CWF19L2: variants seen among roughly 807,000 people sequenced by gnomAD.
CWF19L2 encodes the protein CWF19-like protein 2.
In CWF19L2, 98 loss-of-function variants were observed where a neutral mutation model predicts 111.7. The ratio of observed to expected loss-of-function variants is 0.88; its 90% CI spans 0.75 to 1.04. The LOEUF (loss-of-function observed/expected upper bound fraction) is 1.04. CWF19L2 is among the 50% of genes least tolerant of loss of function. The pLI is 0.00. For missense variants in CWF19L2, 1,101 were observed against 1,051.4 expected (o/e 1.05, Z -0.65); for synonymous variants, 351 against 342.9 (o/e 1.02, Z -0.26).
In CWF19L2 at chr11:107,362,792, C is replaced by T. The variant is rs577446004; in HGVS notation, c.1873-9056G>A. Among the ~76,000 whole-genome samples the T allele has an allele frequency of 2.0e-5, 3 of 151,652 alleles. No homozygotes were observed. In the East Asian group the frequency reaches 5.8e-4, roughly 29 times the overall value. On this transcript the variant is annotated intron_variant, in intron 12 of 17. Coordinates refer to ENST00000282251, the MANE Select transcript of CWF19L2 (RefSeq NM_152434.3). ...TCTCCTCCTCCAAAGGAACGCAGTT[C>T]CTCACCAGCAACGGAACAAAGCTGG...
At chr11:107,374,931 C>T (rs1331373575) in intron 12 of CWF19L2, among the ~76,000 whole-genome samples, 3 of 147,246 alleles carry the variant, frequency 2.0e-5, no homozygotes, top group Non-Finnish European at 4.5e-5. Flanking sequence ...GGAAGATCTA[C>T]CAAGCAAATG....
intron 13 of CWF19L2, among the ~76,000 whole-genome samples, chr11:107,349,744 C>T (rs534748989): frequency 7.5e-4 from 114 of 152,082 alleles, no homozygotes; most frequent in African/African-American, 2.7e-3. Context: ...GCATGGCAGA[C>T]ATTATTTATT....
chr11:107,332,631 T>C (rs1300102197), intron 16 of CWF19L2, among the ~76,000 whole-genome samples: 1 of 151,894 alleles, frequency 6.6e-6, no homozygotes, highest in African/African-American at 2.4e-5. Flanking sequence ...TTAAAAGAAG[T>C]ATAATAAGGT....
At chr11:107,417,798 C>T (rs1479648062) in intron 9 of CWF19L2, among the ~76,000 whole-genome samples, 1 of 151,462 alleles carries the variant, frequency 6.6e-6, no homozygotes, top group Non-Finnish European at 1.5e-5. Flanking sequence ...GCTTCGTCAC[C>T]CAGGCTGGAG....
chr11:107,361,610 T>A (rs1015713518), intron 12 of CWF19L2, among the ~76,000 whole-genome samples: 2 of 152,242 alleles, frequency 1.3e-5, no homozygotes, highest in African/African-American at 4.8e-5. Flanking sequence ...TCCATGAGAA[T>A]GGGATGTTTT....
At chr11:107,352,085 A>C (rs2134544884) in intron 13 of CWF19L2, among the ~76,000 whole-genome samples, 1 of 152,294 alleles carries the variant, frequency 6.6e-6, no homozygotes, top group South Asian at 2.1e-4. Flanking sequence ...GGTAGTACCC[A>C]CTTAAGACAG....
At chr11:107,351,304 A>G (rs1591156527) in intron 13 of CWF19L2, among the ~76,000 whole-genome samples, 1 of 152,264 alleles carries the variant, frequency 6.6e-6, no homozygotes, top group East Asian at 1.9e-4. Context: ...TAAAGGACTC[A>G]ATATTACTCC....
chr11:107,345,392 GT>G, intron 14 of CWF19L2: 2 of 407,446 alleles, frequency 4.9e-6, no homozygotes, highest in South Asian at 3.8e-5. Flanking sequence ...AATAATAAAA[GT>G]TTAAATAATC....
intron 12 of CWF19L2, among the ~76,000 whole-genome samples, chr11:107,361,973 T>A (rs1860348950): frequency 6.6e-6 from 1 of 152,268 alleles, no homozygotes; most frequent in South Asian, 2.1e-4. Flanking sequence ...GCACGCACCG[T>A]GCGTGAGCCG....
chr11:107,393,700 C>T (rs1860881442), intron 10 of CWF19L2, among the ~76,000 whole-genome samples: 1 of 152,100 alleles, frequency 6.6e-6, no homozygotes, highest in Admixed American at 6.5e-5. Context: ...GAATACTACA[C>T]AATCACACAA....
At chr11:107,427,688 C>G (rs1861400009) in intron 8 of CWF19L2, among the ~76,000 whole-genome samples, 1 of 152,122 alleles carries the variant, frequency 6.6e-6, no homozygotes. Context: ...TAGTCTACCA[C>G]CCAGGGCACC....
chr11:107,380,860 A>G (rs934091956), intron 12 of CWF19L2, among the ~76,000 whole-genome samples: 1 of 152,244 alleles, frequency 6.6e-6, no homozygotes, highest in Non-Finnish European at 1.5e-5. Flanking sequence ...TGTGTTATAT[A>G]CATATAATAG....
chr11:107,449,741 T>G (rs1861752521), intron 3 of CWF19L2, among the ~76,000 whole-genome samples: 1 of 150,408 alleles, frequency 6.6e-6, no homozygotes, highest in South Asian at 2.1e-4. Context: ...TGAAATGGGA[T>G]GCTAAAAAAC....
At chr11:107,442,794 G>C in intron 4 of CWF19L2, 145 bp downstream of exon 4, 2 of 147,072 alleles carry the variant, frequency 1.4e-5, no homozygotes, top group South Asian at 5.9e-5. Context: ...AAGGAAGGAA[G>C]GGAGGGAGGG....
At chr11:107,346,646 C>T (rs1348828571) in intron 14 of CWF19L2, among the ~76,000 whole-genome samples, 4 of 152,076 alleles carry the variant, frequency 2.6e-5, no homozygotes, top group African/African-American at 9.7e-5. Flanking sequence ...ATGACAGATC[C>T]CCTCCTCATG....
chr11:107,369,228 TA>T lies in CWF19L2; in HGVS notation c.1873-15493del, dbSNP rs1292544418. ...AGTCTGTTGTCAGTTCTTACTGCCA[TA>T]AGCTCCTTGTGGTAGTCTGTTTCTT... On this transcript the variant is annotated intron_variant, in intron 12 of 17. Transcript: ENST00000282251. Among the ~76,000 whole-genome samples the T allele has an allele frequency of 1.1e-4, 15 of 138,184 alleles. 3 individuals carry two copies. Among genetic ancestry groups the T allele is most frequent in the Non-Finnish European group, 2.0e-4 (13 of 64,364 alleles). 90.7% of individuals were successfully genotyped at this position (138,184 alleles called of 152,430 possible). A position where few individuals can be genotyped will look rare whatever the true frequency, so the allele number is the denominator to read the frequency against.
At chr11:107,353,503 A>G in intron 13 of CWF19L2, 21 bp downstream of exon 13, 1 of 1,582,446 alleles carries the variant, frequency 6.3e-7, no homozygotes, top group Non-Finnish European at 8.7e-7. Flanking sequence ...ATGTAAGCAA[A>G]GGATAATAAA....
chr11:107,370,224 T>C (rs780646822), intron 12 of CWF19L2, among the ~76,000 whole-genome samples: 1 of 137,682 alleles, frequency 7.3e-6, no homozygotes, highest in African/African-American at 2.9e-5. Context: ...TATTAAATCA[T>C]GTACCACTGC....
chr11:107,455,640 C>T (rs916087764), intron 2 of CWF19L2, 26 bp downstream of exon 2: 6 of 1,306,418 alleles, frequency 4.6e-6, no homozygotes, highest in African/African-American at 4.5e-5. Flanking sequence ...GATATCCTTA[C>T]ATCACGTAAA....
Sources: gnomAD v4.1 joint callset for allele counts (sites outside exome capture counted in the v4.1 genomes callset) on GRCh38, gnomAD v4.1.1 for gene constraint, MANE v1.5 for transcripts, NCBI Gene and HGNC (gene_info 2026-07-23, HGNC 2026-07-21) for gene names.